Variants in RORA observed in about 807,000 individuals in gnomAD.
RORA encodes RAR related orphan receptor A, also known as nuclear receptor ROR-alpha.
In RORA, 7 loss-of-function variants were observed where a neutral mutation model predicts 69.5. The observed-to-expected ratio is 0.10, with a 90% CI of 0.06 to 0.19. RORA has a LOEUF of 0.19. Among genes scored for constraint, RORA ranks in the 10% least tolerant of loss-of-function variants. The pLI, the probability that RORA is intolerant of heterozygous loss-of-function variation, is 1.00. For missense variants in RORA, 457 were observed against 663.0 expected (o/e 0.69, Z 3.41); for synonymous variants, 261 against 240.8 (o/e 1.08, Z -0.78).
intron 1 of RORA, among the ~76,000 whole-genome samples, chr15:60,824,447 TA>T (rs3053880): frequency 0.083 from 12,009 of 145,262 alleles, 597 homozygotes; most frequent in African/African-American, 0.14. Context: ...CTTCCCTTAT[TA>T]AAAAAAAAAA....
chr15:60,536,243 CATTTT>C (rs2066674590), intron 2 of RORA, among the ~76,000 whole-genome samples: 1 of 152,142 alleles, frequency 6.6e-6, no homozygotes, highest in South Asian at 2.1e-4. Context: ...TCTGTATGAG[CATTTT>C]ATATATGTAT....
At chr15:60,512,610 T>C (rs765250808) in intron 4 of RORA, among the ~76,000 whole-genome samples, 12 of 152,188 alleles carry the variant, frequency 7.9e-5, no homozygotes, top group African/African-American at 2.9e-4. Context: ...TTAAACACTT[T>C]CTGCTGTTCC....
chr15:60,717,799 T>C (rs2071239912), intron 1 of RORA, among the ~76,000 whole-genome samples: 2 of 141,128 alleles, frequency 1.4e-5, no homozygotes, highest in African/African-American at 5.2e-5. Flanking sequence ...TTTTTCTCTT[T>C]TTTTTTTTTT....
At chr15:60,791,086 C>G (rs2072410212) in intron 1 of RORA, among the ~76,000 whole-genome samples, 1 of 152,022 alleles carries the variant, frequency 6.6e-6, no homozygotes, top group Non-Finnish European at 1.5e-5. Context: ...ATCAAAAAGT[C>G]TGGCTCTTTT....
chr15:61,027,141 C>G (rs1211370600), intron 1 of RORA, among the ~76,000 whole-genome samples: 1 of 152,156 alleles, frequency 6.6e-6, no homozygotes, highest in Non-Finnish European at 1.5e-5. Context: ...CCAGTGTGGG[C>G]GAGGGTCCAT....
chr15:60,982,964 G>A (rs1894091309), intron 1 of RORA, among the ~76,000 whole-genome samples: 1 of 152,158 alleles, frequency 6.6e-6, no homozygotes, highest in Admixed American at 6.5e-5. Context: ...TGCTTCTCCT[G>A]GATGTCATGG....
At chr15:60,555,821 T>C (rs1313245592) in intron 2 of RORA, among the ~76,000 whole-genome samples, 1 of 152,216 alleles carries the variant, frequency 6.6e-6, no homozygotes, top group South Asian at 2.1e-4. Flanking sequence ...TAAGAAAATG[T>C]TTTTTCAAAT....
chr15:60,810,308 G>A (rs1169211327), intron 1 of RORA, among the ~76,000 whole-genome samples: 1 of 152,154 alleles, frequency 6.6e-6, no homozygotes, highest in Non-Finnish European at 1.5e-5. Flanking sequence ...TGGTTTCCAT[G>A]TTGCTGTTGA....
chr15:60,864,382 C>T (rs1002582077), intron 1 of RORA, among the ~76,000 whole-genome samples: 17 of 152,096 alleles, frequency 1.1e-4, no homozygotes, highest in Non-Finnish European at 1.9e-4. Flanking sequence ...GGTAGTGTCA[C>T]ATTTTGAAAA....
In RORA at chr15:60,897,441, G is replaced by A. The variant is rs151087649; in HGVS notation, c.167-218755C>T. 9.2e-5 allele frequency among the ~76,000 whole-genome samples: 14 copies of A among 152,272 alleles called. 1 individual carries two copies. The highest frequency in any genetic ancestry group is 3.4e-4 in the African/African-American group (14 of 41,556). On this transcript the variant is annotated intron_variant, in intron 1 of 10. Transcript: ENST00000335670. ...AATCCTTCTCCTGTAGAGGAAGAGGGGTGTAAATACGAGGTAAATATGTAA... is the reference window on the plus strand; with the variant it reads ...AATCCTTCTCCTGTAGAGGAAGAGGAGTGTAAATACGAGGTAAATATGTAA...
At chr15:60,911,212 G>C (rs1030940666) in intron 1 of RORA, among the ~76,000 whole-genome samples, 2 of 150,826 alleles carry the variant, frequency 1.3e-5, no homozygotes, top group South Asian at 4.2e-4. Context: ...TGGGATTACA[G>C]GCATGAGCCA....
intron 1 of RORA, among the ~76,000 whole-genome samples, chr15:60,701,817 C>T (rs2070986300): frequency 6.6e-6 from 1 of 152,144 alleles, no homozygotes; most frequent in Non-Finnish European, 1.5e-5. Flanking sequence ...AGTGATGAGG[C>T]AGTGTTTTAA....
chr15:60,704,235 C>G (rs565289962), intron 1 of RORA, among the ~76,000 whole-genome samples: 17 of 152,374 alleles, frequency 1.1e-4, no homozygotes, highest in African/African-American at 3.6e-4. Context: ...CATCTCGGCT[C>G]TTCTCTGGTG....
At chr15:60,832,175 A>G (rs983339746) in intron 1 of RORA, among the ~76,000 whole-genome samples, 2 of 152,218 alleles carry the variant, frequency 1.3e-5, no homozygotes, top group Non-Finnish European at 2.9e-5. Context: ...CAACTTGGTG[A>G]CAAAATTCTA....
intron 1 of RORA, among the ~76,000 whole-genome samples, chr15:61,160,532 T>C (rs528276191): frequency 1.3e-5 from 2 of 152,276 alleles, no homozygotes; most frequent in East Asian, 3.9e-4. Context: ...ATTCTGCAAA[T>C]GTTAAGCATG....
intron 1 of RORA, among the ~76,000 whole-genome samples, chr15:61,062,604 C>G (rs1448132469): frequency 6.6e-6 from 1 of 152,116 alleles, no homozygotes; most frequent in East Asian, 1.9e-4. Context: ...GTCTGTGACC[C>G]CTGCTTCTCA....
intron 2 of RORA, among the ~76,000 whole-genome samples, chr15:60,570,115 G>C (rs2067837172): frequency 1.3e-5 from 2 of 152,248 alleles, no homozygotes; most frequent in South Asian, 4.1e-4. Context: ...TTGACTCCGA[G>C]ACAAGAGAGA....
At chr15:60,997,628 A>T (rs1297843574) in intron 1 of RORA, among the ~76,000 whole-genome samples, 9 of 152,226 alleles carry the variant, frequency 5.9e-5, no homozygotes, top group Non-Finnish European at 1.3e-4. Flanking sequence ...ACTCACATTT[A>T]TCTTCTTAGA....
chr15:60,772,688 T>C (rs76899307), intron 1 of RORA, among the ~76,000 whole-genome samples: 92 of 152,284 alleles, frequency 6.0e-4, no homozygotes, highest in South Asian at 4.1e-3. Flanking sequence ...ACAGAAAAGA[T>C]GGAGCGTTCA....
Sources: allele counts gnomAD v4.1 joint callset (sites outside exome capture counted in the v4.1 genomes callset), GRCh38; gene constraint gnomAD v4.1.1; transcripts MANE v1.5; gene names NCBI Gene and HGNC (gene_info 2026-07-23, HGNC 2026-07-21).